The following SH3KBP1 variants were observed in gnomAD, a reference collection of about 807,000 sequenced individuals.
SH3KBP1 encodes the protein SH3 domain containing kinase binding protein 1, also known as SH3 domain-containing kinase-binding protein 1.
Under a neutral mutation model 50.1 loss-of-function variants are expected in SH3KBP1, and 8 were observed. The observed-to-expected ratio is 0.16, with a 90% CI of 0.09 to 0.29. SH3KBP1 has a LOEUF of 0.29. Ranked by LOEUF, SH3KBP1 falls within the 10% of genes least tolerant of loss-of-function variation. The pLI, the probability that SH3KBP1 is intolerant of heterozygous loss-of-function variation, is 1.00. For synonymous variants in SH3KBP1, 227 were observed against 218.6 expected (o/e 1.04, Z -0.34); for missense variants, 377 against 535.2 (o/e 0.70, Z 2.92).
intron 3 of SH3KBP1, among the ~76,000 whole-genome samples, chrX:19,722,192 G>A (rs977434982): frequency 7.1e-5 from 8 of 111,911 alleles, no homozygotes; most frequent in South Asian, 3.7e-4. Context: ...CACGTGGCAC[G>A]GTGCTCATGA....
chrX:19,804,300 TG>T (rs1482031038), intron 2 of SH3KBP1, among the ~76,000 whole-genome samples: 1 of 111,463 alleles, frequency 9.0e-6, no homozygotes, highest in Non-Finnish European at 1.9e-5. Context: ...TTTCCATATT[TG>T]GGCCCCGGCT....
At chrX:19,754,814 AGATGCAGATCAGGCTTAG>A (rs1569456952) in intron 2 of SH3KBP1, among the ~76,000 whole-genome samples, 1 of 111,953 alleles carries the variant, frequency 8.9e-6, no homozygotes, top group Non-Finnish European at 1.9e-5. Flanking sequence ...TCACCTTAAA[AGATGCAGATCAGGCTTAG>A]GAGCAGAGGG....
chrX:19,760,085 G>GACAC (rs752186611), intron 2 of SH3KBP1, among the ~76,000 whole-genome samples: 3 of 39,947 alleles, frequency 7.5e-5, no homozygotes, highest in African/African-American at 3.4e-4. Context: ...TCTCTCTCTC[G>GACAC]ACACACACAC....
intron 1 of SH3KBP1, among the ~76,000 whole-genome samples, chrX:19,864,005 C>A (rs1164334437): frequency 1.8e-5 from 2 of 110,979 alleles, no homozygotes; most frequent in Non-Finnish European, 3.8e-5. Context: ...CGCTCGCTGG[C>A]CAGCCCAGCT....
intron 3 of SH3KBP1, 132 bp from the exon 4 acceptor site, chrX:19,707,116 C>G: frequency 1.7e-6 from 1 of 583,609 alleles, no homozygotes; most frequent in Non-Finnish European, 3.1e-6. Flanking sequence ...TGGCTTGAGG[C>G]ACGGCAGCCC....
intron 3 of SH3KBP1, among the ~76,000 whole-genome samples, chrX:19,745,021 G>A (rs2064877542): frequency 8.9e-6 from 1 of 112,278 alleles, no homozygotes; most frequent in African/African-American, 3.2e-5. Flanking sequence ...TGGAGGAATG[G>A]GAGGGCTCCT....
chrX:19,882,113 T>C (rs1401539003), intron 1 of SH3KBP1, among the ~76,000 whole-genome samples: 1 of 111,144 alleles, frequency 9.0e-6, no homozygotes, highest in Non-Finnish European at 1.9e-5. Flanking sequence ...ATTAATAAAC[T>C]GTAAAAATCT....
At chrX:19,826,778 T>A (rs1008972246) in intron 2 of SH3KBP1, among the ~76,000 whole-genome samples, 1 of 110,807 alleles carries the variant, frequency 9.0e-6, no homozygotes, top group Non-Finnish European at 1.9e-5. Context: ...TGCTACCTTG[T>A]GAAGAGAGAC....
At chrX:19,798,324 C>T (rs961624951) in intron 2 of SH3KBP1, among the ~76,000 whole-genome samples, 4 of 110,296 alleles carry the variant, frequency 3.6e-5, no homozygotes, top group African/African-American at 1.3e-4. Context: ...TGGGCTCAAG[C>T]GATCCTCCTG....
chrX:19,724,038 A>T (rs775993670), intron 3 of SH3KBP1, among the ~76,000 whole-genome samples: 1 of 112,262 alleles, frequency 8.9e-6, no homozygotes, highest in South Asian at 3.7e-4. Flanking sequence ...TTCCTTGTAA[A>T]TACAGGAAAG....
chrX:19,813,160 A>AAG (rs2067256398), intron 2 of SH3KBP1, among the ~76,000 whole-genome samples: 13 of 104,572 alleles, frequency 1.2e-4, no homozygotes, highest in African/African-American at 3.3e-4. Flanking sequence ...AAACAAAAAA[A>AAG]AAGAAGAAGA....
At chrX:19,584,210 A>T (rs1247165107) in intron 12 of SH3KBP1, among the ~76,000 whole-genome samples, 2 of 94,348 alleles carry the variant, frequency 2.1e-5, no homozygotes, top group African/African-American at 7.7e-5. Flanking sequence ...ATATGTCAAT[A>T]TATATTTATA....
chrX:19,854,642 A>T (rs1254371165), intron 1 of SH3KBP1, among the ~76,000 whole-genome samples: 1 of 111,470 alleles, frequency 9.0e-6, no homozygotes, highest in Admixed American at 9.5e-5. Flanking sequence ...GGCCGCTTCA[A>T]TATGGTACAG....
At chrX:19,629,831 T>A (rs1246412645) in intron 8 of SH3KBP1, among the ~76,000 whole-genome samples, 1 of 112,366 alleles carries the variant, frequency 8.9e-6, no homozygotes, top group Non-Finnish European at 1.9e-5. Context: ...CTAAATTGCT[T>A]TCAAATACGT....
chrX:19,638,092 CAAAA>C (rs760527076), intron 7 of SH3KBP1, among the ~76,000 whole-genome samples: 11 of 98,279 alleles, frequency 1.1e-4, no homozygotes, highest in African/African-American at 4.1e-4. Context: ...CAAAACAAAA[CAAAA>C]AAAAACAAAC....
intron 2 of SH3KBP1, among the ~76,000 whole-genome samples, chrX:19,811,326 A>C (rs1041100964): frequency 2.7e-5 from 3 of 112,238 alleles, no homozygotes; most frequent in South Asian, 3.7e-4. Flanking sequence ...ATATGACTAC[A>C]GGCTTAGCAG....
At chrX:19,563,088 C>T (rs2065733500) in intron 13 of SH3KBP1, among the ~76,000 whole-genome samples, 2 of 111,613 alleles carry the variant, frequency 1.8e-5, no homozygotes, top group African/African-American at 6.5e-5. Flanking sequence ...TTCGTGAAGA[C>T]CCTCATAACT....
At chrX:19,755,922 A>T (rs1349950992) in intron 2 of SH3KBP1, among the ~76,000 whole-genome samples, 1 of 111,480 alleles carries the variant, frequency 9.0e-6, no homozygotes, top group Non-Finnish European at 1.9e-5. Flanking sequence ...GCTCAAATCG[A>T]TCATGACCCT....
intron 3 of SH3KBP1, among the ~76,000 whole-genome samples, chrX:19,715,368 G>C (rs1286783152): frequency 9.1e-6 from 1 of 110,079 alleles, no homozygotes; most frequent in Non-Finnish European, 1.9e-5. Context: ...GAGATAGAAA[G>C]CAAATGTGAC....
Sources: allele counts gnomAD v4.1 joint callset (sites outside exome capture counted in the v4.1 genomes callset), GRCh38; gene constraint gnomAD v4.1.1; transcripts MANE v1.5; gene names NCBI Gene and HGNC (gene_info 2026-07-23, HGNC 2026-07-21).